UGGT1: variants seen among roughly 807,000 people sequenced by gnomAD.
UGGT1 encodes the protein UDP-glucose:glycoprotein glucosyltransferase 1.
UGGT1 carries 107 observed loss-of-function variants against 203.9 expected under a neutral mutation model. That is an observed-to-expected ratio of 0.52 (90% CI 0.45 to 0.62). UGGT1 has a LOEUF of 0.62. Ranked by LOEUF, UGGT1 falls within the 20% of genes least tolerant of loss-of-function variation. UGGT1 has a pLI of 0.00. For synonymous variants in UGGT1, 628 were observed against 653.5 expected (o/e 0.96, Z 0.59); for missense variants, 1,673 against 1,867.2 (o/e 0.90, Z 1.92).
rs552145462 is a variant in UGGT1, at chr2:128,195,021, G to C, written c.*5279G>C. The C allele has an allele frequency of 1.1e-4, 16 of 152,348 alleles. No homozygotes were observed. The highest frequency in any genetic ancestry group is 3.8e-4 in the African/African-American group (16 of 41,584). 9.4% of individuals were successfully genotyped at this position (152,348 alleles called of 1,614,324 possible). The stretch of plus-strand genomic sequence containing the variant: ...ACTGCAAAGTCTGTGGCAAGTGGCT[G>C]CCTGCTTCCTAGAAGGAGCCCATGA... On this transcript the variant is annotated 3_prime_UTR_variant, in exon 41 of 41. Transcript: ENST00000259253.
intron 19 of UGGT1, among the ~76,000 whole-genome samples, chr2:128,153,866 A>C (rs1030102299): frequency 6.6e-6 from 1 of 152,204 alleles, no homozygotes; most frequent in Non-Finnish European, 1.5e-5. Context: ...ATAAGATGGA[A>C]CTGTCATCAC....
chr2:128,180,605 A>C (rs1258348549), intron 35 of UGGT1, among the ~76,000 whole-genome samples: 1 of 152,228 alleles, frequency 6.6e-6, no homozygotes, highest in African/African-American at 2.4e-5. Flanking sequence ...CTTAAAGTTC[A>C]TGTGCTGTAA....
chr2:128,113,219 T>G lies in UGGT1; in HGVS notation c.657T>G (p.Asn219Lys). Reference protein sequence around the residue: ...NFHRQLISKSNAGKINYVFRH... With the variant: ...NFHRQLISKSKAGKINYVFRH... Reference sequence around the variant, plus strand: ...ACCGCCAGCTTATATCAAAAAGCAATGCAGGCAAAATCAATTATGTATTCA... The same window carrying G: ...ACCGCCAGCTTATATCAAAAAGCAAGGCAGGCAAAATCAATTATGTATTCA... The change falls in exon 6 of 41, where the codon AAT (asparagine) becomes AAG (lysine). Residue 219 changes from asparagine to lysine, a missense_variant. Coordinates refer to ENST00000259253, the MANE Select transcript of UGGT1 (RefSeq NM_020120.4). 1 of 1,612,704 alleles carries G rather than the reference T, an allele frequency of 6.2e-7. No homozygotes were observed. Among genetic ancestry groups the G allele is most frequent in the Non-Finnish European group, 8.5e-7 (1 of 1,179,390 alleles).
At chr2:128,155,236 G>T (rs1573585087) in intron 19 of UGGT1, among the ~76,000 whole-genome samples, 1 of 152,118 alleles carries the variant, frequency 6.6e-6, no homozygotes, top group African/African-American at 2.4e-5. Flanking sequence ...GATGAATTCA[G>T]CCATTAAACT....
Position 128,107,982 on chromosome 2 carries a change from C to A in UGGT1, c.322C>A (p.Gln108Lys). Residue 108 changes from glutamine to lysine, a missense_variant, in exon 4 of 41, where the codon CAG (glutamine) becomes AAG (lysine). Gln to Lys is a moderately conservative substitution (Grantham distance 53). Around this residue, in one of 4 missense-constraint regions of UGGT1, gnomAD observed 1,073 missense variants for 1,078.7 expected, o/e 0.99. Transcript: ENST00000259253. ...YYHAILEAAFQFLSPLQQNLF... is the reference protein window; with the variant it reads ...YYHAILEAAFKFLSPLQQNLF... ...TCATGCAATATTGGAGGCTGCATTT[C>A]AGTTTCTGTCACCCCTCCAGCAGAA... The A allele has an allele frequency of 1.2e-6, 2 of 1,614,140 alleles. No homozygotes were observed. The highest frequency in any genetic ancestry group is 2.2e-5 in the East Asian group (1 of 44,880).
intron 14 of UGGT1, among the ~76,000 whole-genome samples, chr2:128,134,046 C>T (rs1464424868): frequency 3.3e-5 from 5 of 151,756 alleles, no homozygotes; most frequent in African/African-American, 9.7e-5. Context: ...TTTCTTCCCC[C>T]CACTCCCGCA....
At chr2:128,097,935 C>G (rs1376152873) in intron 2 of UGGT1, among the ~76,000 whole-genome samples, 1 of 152,168 alleles carries the variant, frequency 6.6e-6, no homozygotes, top group African/African-American at 2.4e-5. Context: ...GATCTTGGCT[C>G]ACTGTGACCT....
chr2:128,093,938 G>T (rs1160468062), intron 1 of UGGT1, among the ~76,000 whole-genome samples: 1 of 152,160 alleles, frequency 6.6e-6, no homozygotes, highest in Non-Finnish European at 1.5e-5. Flanking sequence ...CTGGGTTGTT[G>T]TATGTAAGGA....
intron 15 of UGGT1, 83 bp from the exon 16 acceptor site, chr2:128,138,634 T>A: frequency 6.7e-7 from 1 of 1,485,852 alleles, no homozygotes. Context: ...CTATAATGTA[T>A]GAGAAGGGTA....
intron 26 of UGGT1, among the ~76,000 whole-genome samples, chr2:128,167,621 C>T (rs1262029397): frequency 6.6e-6 from 1 of 152,230 alleles, no homozygotes; most frequent in Non-Finnish European, 1.5e-5. Context: ...TATTCGTTGA[C>T]ATTTACTCTA....
chr2:128,123,369 A>G (rs1573531274), intron 11 of UGGT1, 123 bp downstream of exon 11: 2 of 852,314 alleles, frequency 2.3e-6, no homozygotes, highest in East Asian at 5.7e-5. Flanking sequence ...TGATTTTTTC[A>G]TTTCTGTGAT....
intron 16 of UGGT1, among the ~76,000 whole-genome samples, chr2:128,140,732 A>G (rs1325287235): frequency 6.6e-6 from 1 of 152,156 alleles, no homozygotes; most frequent in Non-Finnish European, 1.5e-5. Flanking sequence ...GCTGGATTGC[A>G]GCAGCGCAGT....
chr2:128,152,176 AT>A (rs575677003), intron 18 of UGGT1, among the ~76,000 whole-genome samples: 2,277 of 143,244 alleles, frequency 0.016, 35 homozygotes, highest in African/African-American at 0.048. Flanking sequence ...ACCTTTTCCT[AT>A]TTTTTTTTTT....
At chr2:128,150,907 G>A (rs1354926873) in intron 18 of UGGT1, among the ~76,000 whole-genome samples, 4 of 152,174 alleles carry the variant, frequency 2.6e-5, no homozygotes, top group South Asian at 2.1e-4. Flanking sequence ...CTAGAGTTCA[G>A]TGGTGTGATC....
At chr2:128,153,378 G>A (rs753039228) in intron 19 of UGGT1, among the ~76,000 whole-genome samples, 24 of 151,942 alleles carry the variant, frequency 1.6e-4, no homozygotes, top group Non-Finnish European at 3.2e-4. Flanking sequence ...ACCTTTTAAA[G>A]TATACAATTC....
At chr2:128,091,548 C>T in intron 1 of UGGT1, 133 bp downstream of exon 1, 2 of 1,443,330 alleles carry the variant, frequency 1.4e-6, no homozygotes, top group Non-Finnish European at 1.8e-6. Context: ...CCTATCCCTT[C>T]CCCTATTCGC....
In UGGT1 at chr2:128,133,179, G is replaced by A. The variant is rs1027952709; in HGVS notation, c.1416G>A (p.Ser472=). 10 of 1,613,798 alleles carry A rather than the reference G, an allele frequency of 6.2e-6. No homozygotes were observed. The highest frequency in any genetic ancestry group is 1.3e-5 in the African/African-American group (1 of 74,888). The part of the protein sequence containing the change: ...NNLEVDSRYN[S]WPSSLQELLR... ...TGGAGGTTGATAGCAGATATAATTC[G>A]TGGCCTTCTAGTTTACAAGAGTTGC... is the stretch of plus-strand genomic sequence containing the variant. Residue 472 remains serine (S), a synonymous_variant, in exon 14 of 41, where the codon TCG becomes TCA. Transcript: ENST00000259253.
intron 3 of UGGT1, among the ~76,000 whole-genome samples, chr2:128,106,639 G>A (rs776745819): frequency 6.6e-6 from 1 of 152,084 alleles, no homozygotes; most frequent in Non-Finnish European, 1.5e-5. Flanking sequence ...TAATCTCGCT[G>A]CAACCTCTGC....
chr2:128,157,553 T>C (rs985359148), intron 22 of UGGT1, among the ~76,000 whole-genome samples: 2 of 152,160 alleles, frequency 1.3e-5, no homozygotes, highest in African/African-American at 4.8e-5. Context: ...TTGAACGGGA[T>C]AGATTCTTAT....
Sources: allele counts gnomAD v4.1 joint callset (sites outside exome capture counted in the v4.1 genomes callset), GRCh38; gene constraint gnomAD v4.1.1; regional missense constraint gnomAD v4.1.1; transcripts MANE v1.5; gene names NCBI Gene and HGNC (gene_info 2026-07-23, HGNC 2026-07-21).